KLF8: variants seen among roughly 807,000 people sequenced by gnomAD.
KLF8 encodes the protein Krueppel-like factor 8.
Under a neutral mutation model 18.2 loss-of-function variants are expected in KLF8, and 10 were observed. The ratio of observed to expected loss-of-function variants is 0.55; its 90% CI spans 0.34 to 0.93. KLF8 has a LOEUF of 0.93. KLF8 is among the 40% of genes least tolerant of loss of function. The pLI is 0.02. For synonymous variants in KLF8, 109 were observed against 97.3 expected, an observed-to-expected ratio of 1.12 and a Z score of -0.71; for missense variants, 264 against 277.9, an observed-to-expected ratio of 0.95 and a Z score of 0.36.
At chrX:56,129,876 G>T in the KLF8 span, among the ~76,000 whole-genome samples, 1 of 110,222 alleles carries the variant, frequency 9.1e-6, no homozygotes, top group Non-Finnish European at 1.9e-5. Flanking sequence ...ATGGGAGCTG[G>T]GTAAGGCCTG....
chrX:56,249,299 G>A (rs922638334), intron 1 of KLF8, among the ~76,000 whole-genome samples: 5 of 112,167 alleles, frequency 4.5e-5, no homozygotes, highest in Non-Finnish European at 7.5e-5. Context: ...GAAACAGCTG[G>A]ATTGGTTATA....
At chrX:56,147,293 A>T in the KLF8 span, among the ~76,000 whole-genome samples, 2 of 111,809 alleles carry the variant, frequency 1.8e-5, no homozygotes, top group African/African-American at 6.5e-5. Context: ...CCTGTGCTGA[A>T]TGAAATTCAA....
chrX:56,166,643 C>T, the KLF8 span, among the ~76,000 whole-genome samples: 312 of 111,916 alleles, frequency 2.8e-3, 1 homozygote, highest in African/African-American at 9.6e-3. Context: ...TCTGTATATG[C>T]CAACTTTAAA....
chrX:56,180,505 C>T, the KLF8 span, among the ~76,000 whole-genome samples: 3 of 111,020 alleles, frequency 2.7e-5, no homozygotes, highest in African/African-American at 3.3e-5. Flanking sequence ...CTTCTGCTAG[C>T]TTTTGAATGT....
the KLF8 span, among the ~76,000 whole-genome samples, chrX:55,969,293 A>G: frequency 8.9e-6 from 1 of 112,107 alleles, no homozygotes; most frequent in South Asian, 3.7e-4. Context: ...AATCAAAAAC[A>G]GAACAATTTT....
the KLF8 span, among the ~76,000 whole-genome samples, chrX:56,128,271 T>C: frequency 1.8e-5 from 2 of 112,074 alleles, no homozygotes; most frequent in Non-Finnish European, 3.8e-5. Flanking sequence ...CTGAAAGAAC[T>C]CATGATGGTT....
chrX:56,164,749 A>C, the KLF8 span, among the ~76,000 whole-genome samples: 1 of 23,391 alleles, frequency 4.3e-5, no homozygotes, highest in South Asian at 1.3e-3. Flanking sequence ...TTTTTTTTTT[A>C]ACTTTTTTTT....
At chrX:55,937,424 A>G in the KLF8 span, among the ~76,000 whole-genome samples, 3 of 112,283 alleles carry the variant, frequency 2.7e-5, no homozygotes, top group Non-Finnish European at 5.6e-5. Flanking sequence ...AAGATGGGGA[A>G]AAAACAGAGC....
At chrX:56,087,755 G>C in the KLF8 span, among the ~76,000 whole-genome samples, 12 of 111,634 alleles carry the variant, frequency 1.1e-4, no homozygotes, top group Non-Finnish European at 2.3e-4. Context: ...GAGTTTTCAG[G>C]CCTCTTTGAA....
chrX:56,183,136 C>T, the KLF8 span, among the ~76,000 whole-genome samples: 1 of 112,089 alleles, frequency 8.9e-6, no homozygotes, highest in Admixed American at 9.5e-5. Context: ...AGCTTCTGTG[C>T]CACTTTCATT....
At chrX:55,962,391 A>C in the KLF8 span, 1 of 229,684 alleles carries the variant, frequency 4.4e-6, no homozygotes, top group South Asian at 5.9e-5. Flanking sequence ...TTCTCCATCT[A>C]CATGGTAGAA....
At chrX:56,230,708 G>A (rs1030293598), upstream of KLF8, among the ~76,000 whole-genome samples, 72 of 111,636 alleles carry the variant, frequency 6.4e-4, no homozygotes, top group African/African-American at 2.2e-3. Flanking sequence ...GCTTACAACA[G>A]AGTTTAGTAC....
chrX:55,996,913 C>T, the KLF8 span, among the ~76,000 whole-genome samples: 2 of 112,175 alleles, frequency 1.8e-5, no homozygotes, highest in African/African-American at 6.5e-5. Context: ...CACATGCGTG[C>T]TAGTGGGGCA....
the KLF8 span, among the ~76,000 whole-genome samples, chrX:56,191,501 A>G: frequency 8.9e-6 from 1 of 111,917 alleles, no homozygotes; most frequent in Non-Finnish European, 1.9e-5. Context: ...CACCAAACAA[A>G]GAAAACTACA....
the KLF8 span, among the ~76,000 whole-genome samples, chrX:56,030,565 T>A: frequency 1.2e-3 from 128 of 111,101 alleles, 2 homozygotes; most frequent in East Asian, 0.035. Context: ...CTTTCCATCA[T>A]GTGTCCATCC....
At chrX:56,173,979 C>T in the KLF8 span, among the ~76,000 whole-genome samples, 28 of 112,067 alleles carry the variant, frequency 2.5e-4, no homozygotes, top group Non-Finnish European at 5.1e-4. Flanking sequence ...TGCCTATCAT[C>T]TTAAGGAGAT....
At chrX:56,226,088 TA>T in the KLF8 span, among the ~76,000 whole-genome samples, 1 of 110,764 alleles carries the variant, frequency 9.0e-6, no homozygotes, top group Non-Finnish European at 1.9e-5. Context: ...GGAAGAAGAG[TA>T]GAAGGCTTCA....
chrX:56,243,528 CTTTT>C (rs773032466), intron 1 of KLF8: 421 of 57,933 alleles, frequency 7.3e-3, no homozygotes, highest in Non-Finnish European at 0.011. Context: ...GAAACTCTTG[CTTTT>C]TTTTTTTTTT....
intron 1 of KLF8, among the ~76,000 whole-genome samples, chrX:56,242,010 A>G (rs2066552216): frequency 8.9e-6 from 1 of 112,270 alleles, no homozygotes; most frequent in Non-Finnish European, 1.9e-5. Flanking sequence ...TCAAGGTCAC[A>G]CAACAATTTA....
Sources: allele counts gnomAD v4.1 joint callset (sites outside exome capture counted in the v4.1 genomes callset), GRCh38; gene constraint gnomAD v4.1.1; transcripts MANE v1.5; gene names NCBI Gene and HGNC (gene_info 2026-07-23, HGNC 2026-07-21).